NEK11: variants seen among roughly 807,000 people sequenced by gnomAD.
The protein encoded by NEK11 is NIMA related kinase 11, also known as serine/threonine-protein kinase Nek11.
A neutral mutation model predicts 80.7 loss-of-function variants in NEK11; 72 were observed. The ratio of observed to expected loss-of-function variants is 0.89; its 90% CI spans 0.74 to 1.08. NEK11 has a LOEUF of 1.08. Ranked by LOEUF, NEK11 falls within the 50% of genes least tolerant of loss-of-function variation. The pLI is 0.00. For missense variants in NEK11, 764 were observed against 763.6 expected (o/e 1.00, Z -0.01); for synonymous variants, 251 against 260.7 (o/e 0.96, Z 0.36).
chr3:131,150,848 A>G (rs934903919), intron 7 of NEK11, among the ~76,000 whole-genome samples: 10 of 151,868 alleles, frequency 6.6e-5, no homozygotes, highest in African/African-American at 1.9e-4. Flanking sequence ...AGAAAAATTT[A>G]TGTCTAGGAT....
At chr3:131,203,304 T>A (rs1400044514) in intron 14 of NEK11, among the ~76,000 whole-genome samples, 4 of 151,706 alleles carry the variant, frequency 2.6e-5, no homozygotes, top group African/African-American at 9.7e-5. Context: ...CTGGAAACCA[T>A]CATTCTCAGC....
Position 131,133,940 on chromosome 3 carries a change from A to C in NEK11, c.631A>C (p.Thr211Pro). 2 of 1,609,652 alleles carry C rather than the reference A, an allele frequency of 1.2e-6. No homozygotes were observed. Residue 211 changes from threonine to proline, a missense_variant, in exon 7 of 18, where the codon ACA becomes CCA. Thr to Pro is a conservative substitution (Grantham distance 38, BLOSUM62 -1). Coordinates refer to ENST00000383366, the MANE Select transcript of NEK11 (RefSeq NM_024800.5). ...GGCTCTGAAACACCAAGGCTATGAC[A>C]CAAAGTCGGACATCTGGTGAGTGGG... is the stretch of plus-strand genomic sequence containing the variant. ...PEALKHQGYD[T>P]KSDIWSLACI... is the part of the protein sequence containing the mutation.
At chr3:131,045,260 C>G (rs1401856716) in intron 3 of NEK11, among the ~76,000 whole-genome samples, 2 of 152,108 alleles carry the variant, frequency 1.3e-5, no homozygotes, top group African/African-American at 4.8e-5. Context: ...TCTATTTGTG[C>G]CCTTTTAGAC....
intron 17 of NEK11, among the ~76,000 whole-genome samples, chr3:131,334,767 T>C (rs2097153651): frequency 6.6e-6 from 1 of 151,886 alleles, no homozygotes; most frequent in Non-Finnish European, 1.5e-5. Flanking sequence ...ATAGACACAA[T>C]ACAAAATGAT....
intron 14 of NEK11, among the ~76,000 whole-genome samples, chr3:131,182,206 C>A (rs2093395618): frequency 6.6e-6 from 1 of 151,338 alleles, no homozygotes; most frequent in African/African-American, 2.4e-5. Context: ...AACCTAATAT[C>A]TTTTTCACTC....
At chr3:131,088,392 A>C (rs1578088157) in intron 4 of NEK11, among the ~76,000 whole-genome samples, 2 of 152,338 alleles carry the variant, frequency 1.3e-5, no homozygotes, top group East Asian at 3.9e-4. Context: ...TTTTACCTAA[A>C]ATTGTTAAAT....
At chr3:131,256,853 C>T (rs540712319) in intron 16 of NEK11, among the ~76,000 whole-genome samples, 1 of 152,214 alleles carries the variant, frequency 6.6e-6, no homozygotes, top group Non-Finnish European at 1.5e-5. Flanking sequence ...TGAGTGTCCT[C>T]AAGGATAATA....
rs370588312 is a variant in NEK11 at position 131,349,668 on chromosome 3, A to C, written c.1830A>C (p.Lys610Asn). ...CAGAGATCCGCGAGTGTTTGGAAAA[A>C]GTGGTGCCTCAAGCCAGCGACTGTT... Reference protein sequence around the residue: ...SEAEIRECLEKVVPQASDCFE... With the variant: ...SEAEIRECLENVVPQASDCFE... Residue 610 changes from lysine to asparagine, a missense_variant, in exon 18 of 18, where the codon AAA becomes AAC. By Grantham distance (94) the Lys-to-Asn change is moderately conservative. Coordinates refer to ENST00000383366, the MANE Select transcript of NEK11 (RefSeq NM_024800.5). 5 of 1,614,054 alleles carry C rather than the reference A, an allele frequency of 3.1e-6. No individual in the cohort carries two copies. Among genetic ancestry groups the C allele is most frequent in the African/African-American group, 1.3e-5 (1 of 74,920 alleles).
In NEK11 at chr3:131,074,563, T is replaced by A. The variant is rs558038272; in HGVS notation, c.171-5860T>A. Among the ~76,000 whole-genome samples the A allele has an allele frequency of 2.2e-4, 33 of 152,226 alleles. 1 individual carries two copies. The South Asian group carries it at 5.6e-3, about 26-fold the overall frequency. ...TGTATAAAGTCATTTTTTAAAAGAG[T>A]CATATGCTGATTAACTTTCATAGCC... On this transcript the variant is annotated intron_variant, in intron 3 of 17. Transcript: ENST00000383366.
chr3:131,043,320 A>G (rs569603411), intron 3 of NEK11, among the ~76,000 whole-genome samples: 2 of 152,342 alleles, frequency 1.3e-5, no homozygotes, highest in South Asian at 4.1e-4. Context: ...CCTCCGAGCT[A>G]AAGGAGCGTG....
intron 14 of NEK11, among the ~76,000 whole-genome samples, chr3:131,185,300 T>G (rs1344981150): frequency 1.3e-5 from 2 of 152,002 alleles, no homozygotes; most frequent in Non-Finnish European, 2.9e-5. Flanking sequence ...GAAAGAAAAC[T>G]GATAGAAAGA....
At chr3:131,305,904 T>C (rs1472433486) in intron 17 of NEK11, among the ~76,000 whole-genome samples, 1 of 152,178 alleles carries the variant, frequency 6.6e-6, no homozygotes, top group Non-Finnish European at 1.5e-5. Context: ...AAAGATCTGC[T>C]TGGAGTGTCC....
chr3:131,123,868 A>G (rs753462136), intron 5 of NEK11, among the ~76,000 whole-genome samples: 3 of 152,182 alleles, frequency 2.0e-5, no homozygotes, highest in Non-Finnish European at 4.4e-5. Context: ...AATTGCAAAT[A>G]ACAGAAGCAG....
chr3:131,230,344 G>A (rs572952380), intron 15 of NEK11, among the ~76,000 whole-genome samples: 5 of 152,076 alleles, frequency 3.3e-5, no homozygotes, highest in Non-Finnish European at 5.9e-5. Flanking sequence ...TGCAGTTTGC[G>A]TGACCTTGTT....
intron 14 of NEK11, among the ~76,000 whole-genome samples, chr3:131,173,478 A>G (rs2092815640): frequency 6.6e-6 from 1 of 151,784 alleles, no homozygotes. Flanking sequence ...TAGGAAAAGT[A>G]CTTAATACTG....
Position 131,350,232 on chromosome 3 carries a change from C to A in NEK11, c.*456C>A, listed in dbSNP as rs1326302236. 6.3e-6 allele frequency: 1 copy of A among 157,540 alleles called. No homozygotes were observed. The highest frequency in any genetic ancestry group is 1.4e-5 in the Non-Finnish European group (1 of 71,278). 9.8% of individuals were successfully genotyped at this position (157,540 alleles called of 1,614,324 possible). A position where few individuals can be genotyped will look rare whatever the true frequency, so the allele number is the denominator to read the frequency against. On this transcript the variant is annotated 3_prime_UTR_variant, in exon 18 of 18. Transcript: ENST00000383366. ...AACATGCTGAGCTACAGCCCAGAAG[C>A]CAGACATGCCTGTCTTAGCTGACCT...
intron 4 of NEK11, among the ~76,000 whole-genome samples, chr3:131,102,855 T>G (rs1289144880): frequency 1.3e-5 from 2 of 152,204 alleles, no homozygotes; most frequent in Non-Finnish European, 2.9e-5. Context: ...ATCAGAAGTT[T>G]TATTCATTTT....
intron 10 of NEK11, among the ~76,000 whole-genome samples, chr3:131,157,696 A>G (rs2149876119): frequency 6.6e-6 from 1 of 152,210 alleles, no homozygotes; most frequent in East Asian, 1.9e-4. Context: ...GAAGACACAG[A>G]AGCTGGGCTG....
At chr3:131,164,334 C>T (rs1313628816) in intron 11 of NEK11, among the ~76,000 whole-genome samples, 2 of 152,202 alleles carry the variant, frequency 1.3e-5, no homozygotes, top group Admixed American at 1.3e-4. Context: ...AAGATATTTA[C>T]ACAATCTGCT....
Sources: allele counts gnomAD v4.1 joint callset (sites outside exome capture counted in the v4.1 genomes callset), GRCh38; gene constraint gnomAD v4.1.1; transcripts MANE v1.5; gene names NCBI Gene and HGNC (gene_info 2026-07-23, HGNC 2026-07-21).